CCDC192: variants seen among roughly 807,000 people sequenced by gnomAD.
CCDC192 encodes coiled-coil domain-containing protein 192.
At chr5:127,744,457 C>T (rs1410465393) in intron 2 of CCDC192, among the ~76,000 whole-genome samples, 1 of 152,158 alleles carries the variant, frequency 6.6e-6, no homozygotes, top group Admixed American at 6.5e-5. Flanking sequence ...TACTGTACCA[C>T]TGAGCAGGGG....
intron 5 of CCDC192, among the ~76,000 whole-genome samples, chr5:127,861,883 A>G (rs906844972): frequency 6.6e-6 from 1 of 152,146 alleles, no homozygotes; most frequent in African/African-American, 2.4e-5. Flanking sequence ...TTCCTGCTAG[A>G]TTTCTTTGAA....
At chr5:127,873,035 C>T (rs1751926769) in intron 5 of CCDC192, among the ~76,000 whole-genome samples, 1 of 152,148 alleles carries the variant, frequency 6.6e-6, no homozygotes, top group African/African-American at 2.4e-5. Context: ...TTGAGAACCC[C>T]TGTGTCTGTC....
At chr5:127,828,569 C>T (rs945745959) in intron 5 of CCDC192, among the ~76,000 whole-genome samples, 2 of 152,150 alleles carry the variant, frequency 1.3e-5, no homozygotes, top group African/African-American at 4.8e-5. Context: ...TACTTTCAGA[C>T]CAGTGGAGGA....
intron 5 of CCDC192, among the ~76,000 whole-genome samples, chr5:127,863,627 C>T (rs1007802995): frequency 1.3e-5 from 2 of 152,126 alleles, no homozygotes; most frequent in Admixed American, 6.5e-5. Flanking sequence ...AAATTGGTTG[C>T]ACAACAATGT....
intron 3 of CCDC192, among the ~76,000 whole-genome samples, chr5:127,770,523 T>C (rs935772835): frequency 5.3e-5 from 8 of 152,232 alleles, no homozygotes; most frequent in African/African-American, 1.2e-4. Flanking sequence ...TAATAGAATG[T>C]GCAAATAGAA....
intron 5 of CCDC192, among the ~76,000 whole-genome samples, chr5:127,847,109 A>G (rs780913600): frequency 3.3e-5 from 5 of 152,134 alleles, no homozygotes; most frequent in Non-Finnish European, 7.3e-5. Flanking sequence ...CCATGGTGCT[A>G]CCTTTAAGAG....
chr5:127,915,091 G>A (rs957271496), intron 6 of CCDC192, among the ~76,000 whole-genome samples: 7 of 151,964 alleles, frequency 4.6e-5, no homozygotes, highest in Admixed American at 1.3e-4. Context: ...CTCAGTTCCC[G>A]GGAACCAGAA....
chr5:127,847,852 A>AATAAATAC lies in CCDC192; in HGVS notation c.412-27683_412-27682insAATACATA, dbSNP rs1239191012. 4.6e-3 allele frequency among the ~76,000 whole-genome samples: 700 copies of AATAAATAC among 151,236 alleles called. 4 individuals carry two copies. Among genetic ancestry groups the AATAAATAC allele is most frequent in the Non-Finnish European group, 7.1e-3 (479 of 67,810 alleles). On this transcript the variant is annotated intron_variant, in intron 5 of 6. Transcript: ENST00000514853. ...AAATAAATAAATAAATAAATAAATA[A>AATAAATAC]ATACATAAATAAATGCTCACTGCAA...
At chr5:127,922,881 A>G (rs1046938007) in intron 6 of CCDC192, among the ~76,000 whole-genome samples, 2 of 152,212 alleles carry the variant, frequency 1.3e-5, no homozygotes, top group African/African-American at 4.8e-5. Context: ...GCTAGCAGGA[A>G]AGACAAGCTG....
intron 5 of CCDC192, among the ~76,000 whole-genome samples, chr5:127,832,385 T>A (rs1374932384): frequency 6.6e-6 from 1 of 152,184 alleles, no homozygotes; most frequent in Non-Finnish European, 1.5e-5. Context: ...CCCACTTCTG[T>A]GTATGTAACC....
chr5:127,726,027 A>G lies in CCDC192; in HGVS notation c.114+18267A>G, dbSNP rs374281830. Among the ~76,000 whole-genome samples the G allele has an allele frequency of 2.2e-4, 34 of 152,262 alleles. No homozygotes were observed. In the East Asian group the frequency reaches 5.4e-3, roughly 24 times the overall value. ...AAAATAATTGATGAATAAGAAAAAA[A>G]TAATTCCTAGTATAACAAAATAGCA... On this transcript the variant is annotated intron_variant, in intron 2 of 6. Coordinates refer to ENST00000514853, the MANE Select transcript of CCDC192 (RefSeq NM_001317938.2).
At chr5:127,872,119 C>G (rs555026705) in intron 5 of CCDC192, among the ~76,000 whole-genome samples, 295 of 151,892 alleles carry the variant, frequency 1.9e-3, no homozygotes, top group African/African-American at 6.6e-3. Flanking sequence ...TTGGTTAAAG[C>G]TATGAATTAA....
intron 5 of CCDC192, among the ~76,000 whole-genome samples, chr5:127,831,535 A>G (rs921540510): frequency 6.6e-6 from 1 of 152,196 alleles, no homozygotes; most frequent in African/African-American, 2.4e-5. Flanking sequence ...GTGTTTTTTA[A>G]GTAGTTCTTA....
At chr5:127,887,102 C>A (rs906676346) in intron 6 of CCDC192, among the ~76,000 whole-genome samples, 1 of 151,894 alleles carries the variant, frequency 6.6e-6, no homozygotes. Flanking sequence ...CCGAGGCAGG[C>A]TGATCACTTG....
At chr5:127,921,821 T>C (rs1176062250) in intron 6 of CCDC192, among the ~76,000 whole-genome samples, 1 of 152,192 alleles carries the variant, frequency 6.6e-6, no homozygotes, top group Non-Finnish European at 1.5e-5. Flanking sequence ...GGCTCTCAGA[T>C]GGTATTAATT....
At chr5:127,738,377 T>C (rs1425388574) in intron 2 of CCDC192, among the ~76,000 whole-genome samples, 1 of 132,006 alleles carries the variant, frequency 7.6e-6, no homozygotes, top group African/African-American at 3.0e-5. Context: ...TTTCCTTCAT[T>C]TCAACTTTGG....
At chr5:127,808,327 A>G (rs1053141803) in intron 5 of CCDC192, among the ~76,000 whole-genome samples, 8 of 143,676 alleles carry the variant, frequency 5.6e-5, no homozygotes, top group Non-Finnish European at 1.2e-4. Context: ...TAGTATATCT[A>G]CCTTTTTTTT....
chr5:127,935,003 T>C (rs1299476509), intron 6 of CCDC192, among the ~76,000 whole-genome samples: 2 of 152,212 alleles, frequency 1.3e-5, no homozygotes, highest in Non-Finnish European at 2.9e-5. Flanking sequence ...AGGTATTTAA[T>C]CACCTCACCG....
intron 3 of CCDC192, among the ~76,000 whole-genome samples, chr5:127,783,341 G>A (rs1756352276): frequency 6.6e-6 from 1 of 152,124 alleles, no homozygotes; most frequent in Non-Finnish European, 1.5e-5. Context: ...TCACTTTGAA[G>A]AATTGTTTAA....
Sources: allele counts gnomAD v4.1 joint callset (sites outside exome capture counted in the v4.1 genomes callset), GRCh38; gene constraint gnomAD v4.1.1; transcripts MANE v1.5; gene names NCBI Gene and HGNC (gene_info 2026-07-23, HGNC 2026-07-21).